Variants in ZNF385D observed in about 807,000 individuals in gnomAD.
ZNF385D encodes zinc finger protein 659.
A neutral mutation model predicts 35.8 loss-of-function variants in ZNF385D; 15 were observed. The ratio of observed to expected loss-of-function variants is 0.42; its 90% CI spans 0.28 to 0.64. The LOEUF (loss-of-function observed/expected upper bound fraction) is 0.64, where lower values mean the gene tolerates loss of function less well. Among genes scored for constraint, ZNF385D ranks in the 30% least tolerant of loss-of-function variants. The pLI, the probability that ZNF385D is intolerant of heterozygous loss-of-function variation, is 0.23. For missense variants in ZNF385D, 474 were observed against 494.6 expected (o/e 0.96, Z 0.39); for synonymous variants, 212 against 186.8 (o/e 1.13, Z -1.10).
At chr3:21,952,858 A>G (rs1386815113) in intron 3 of ZNF385D, among the ~76,000 whole-genome samples, 2 of 151,972 alleles carry the variant, frequency 1.3e-5, no homozygotes, top group African/African-American at 4.8e-5. Flanking sequence ...ACTAAACTCA[A>G]ATGAAATTTC....
At chr3:22,211,100 G>C (rs956020178) in intron 2 of ZNF385D, among the ~76,000 whole-genome samples, 3 of 151,832 alleles carry the variant, frequency 2.0e-5, no homozygotes, top group African/African-American at 7.2e-5. Context: ...CCCAGCTGAA[G>C]AACTGATTTA....
intron 2 of ZNF385D, among the ~76,000 whole-genome samples, chr3:21,647,875 T>C (rs910396758): frequency 2.6e-5 from 4 of 152,208 alleles, no homozygotes; most frequent in Non-Finnish European, 5.9e-5. Context: ...CTTTTTTTCA[T>C]ATGAATGTTA....
chr3:21,725,641 G>A (rs549965785), intron 1 of ZNF385D, among the ~76,000 whole-genome samples: 8 of 152,202 alleles, frequency 5.3e-5, no homozygotes, highest in Admixed American at 6.5e-5. Context: ...AGGAAAAGTC[G>A]AATCTCTGCA....
chr3:22,101,573 A>G (rs1701947305), intron 3 of ZNF385D, among the ~76,000 whole-genome samples: 1 of 152,066 alleles, frequency 6.6e-6, no homozygotes, highest in African/African-American at 2.4e-5. Flanking sequence ...TATAAGTTCT[A>G]TTTATACTGT....
intron 3 of ZNF385D, among the ~76,000 whole-genome samples, chr3:21,880,718 T>A (rs1698233554): frequency 6.6e-6 from 1 of 151,976 alleles, no homozygotes; most frequent in African/African-American, 2.4e-5. Context: ...GAAGAAGGCA[T>A]GTCAAAAGCT....
At chr3:22,115,348 C>T (rs1023348979) in intron 3 of ZNF385D, among the ~76,000 whole-genome samples, 6 of 151,972 alleles carry the variant, frequency 3.9e-5, no homozygotes, top group Admixed American at 3.9e-4. Context: ...GATTATAATA[C>T]AATAGGGAAT....
At chr3:21,973,702 A>G (rs537102650) in intron 3 of ZNF385D, among the ~76,000 whole-genome samples, 1 of 152,196 alleles carries the variant, frequency 6.6e-6, no homozygotes. Flanking sequence ...GAAAACCACT[A>G]GAACTGATAA....
intron 2 of ZNF385D, among the ~76,000 whole-genome samples, chr3:22,350,646 T>A (rs1695872902): frequency 2.0e-5 from 3 of 152,152 alleles, no homozygotes; most frequent in Non-Finnish European, 1.5e-5. Context: ...GATAAGCATA[T>A]ACTCAAGTAA....
At chr3:21,647,581 T>C (rs1559487003) in intron 2 of ZNF385D, among the ~76,000 whole-genome samples, 1 of 152,208 alleles carries the variant, frequency 6.6e-6, no homozygotes, top group South Asian at 2.1e-4. Context: ...GTAATATTGA[T>C]TGCACAGTTG....
chr3:21,736,942 C>G (rs1328061833), intron 1 of ZNF385D, among the ~76,000 whole-genome samples: 1 of 152,116 alleles, frequency 6.6e-6, no homozygotes, highest in Non-Finnish European at 1.5e-5. Flanking sequence ...AATCCCATTT[C>G]TTTTTTTCTT....
At chr3:21,707,459 A>G (rs2067947981) in intron 1 of ZNF385D, among the ~76,000 whole-genome samples, 2 of 152,202 alleles carry the variant, frequency 1.3e-5, no homozygotes, top group Admixed American at 1.3e-4. Flanking sequence ...ATGCAGATCA[A>G]ATTTTAGACA....
At chr3:22,101,116 A>C (rs1277696924) in intron 3 of ZNF385D, among the ~76,000 whole-genome samples, 1 of 152,028 alleles carries the variant, frequency 6.6e-6, no homozygotes, top group Non-Finnish European at 1.5e-5. Flanking sequence ...TAATGTTCAT[A>C]ATAAGGTTCT....
chr3:21,737,470 C>G (rs551385772), intron 1 of ZNF385D, among the ~76,000 whole-genome samples: 14 of 149,622 alleles, frequency 9.4e-5, no homozygotes, highest in Admixed American at 6.6e-4. Flanking sequence ...TATATATACA[C>G]ACACACACAC....
chr3:22,060,504 C>G (rs1576242475), intron 3 of ZNF385D, among the ~76,000 whole-genome samples: 1 of 152,252 alleles, frequency 6.6e-6, no homozygotes, highest in Non-Finnish European at 1.5e-5. Context: ...TAAACCATTA[C>G]TTTGTCAATA....
At chr3:22,369,854 A>G (rs1418050791) in intron 2 of ZNF385D, among the ~76,000 whole-genome samples, 1 of 152,206 alleles carries the variant, frequency 6.6e-6, no homozygotes, top group African/African-American at 2.4e-5. Flanking sequence ...TGAAGAACTC[A>G]TAAGTACTGA....
At chr3:21,860,664 CAA>C (rs1368065473) in intron 3 of ZNF385D, among the ~76,000 whole-genome samples, 1 of 152,122 alleles carries the variant, frequency 6.6e-6, no homozygotes, top group East Asian at 1.9e-4. Context: ...AAAATCCTTT[CAA>C]TAGTTTTCAA....
chr3:22,165,542 C>T (rs1706256733), intron 3 of ZNF385D, among the ~76,000 whole-genome samples: 1 of 152,134 alleles, frequency 6.6e-6, no homozygotes, highest in Non-Finnish European at 1.5e-5. Flanking sequence ...CTACTGATGG[C>T]AGTTGGCAGT....
At chr3:22,207,551 C>T (rs1056549682) in intron 2 of ZNF385D, among the ~76,000 whole-genome samples, 1 of 151,916 alleles carries the variant, frequency 6.6e-6, no homozygotes. Context: ...TTGAATAGTA[C>T]ACAGCAAGCA....
intron 1 of ZNF385D, among the ~76,000 whole-genome samples, chr3:21,737,409 CA>C: frequency 6.6e-6 from 1 of 151,704 alleles, no homozygotes; most frequent in Admixed American, 6.6e-5. Flanking sequence ...AAACAATATG[CA>C]AAACAAGGTA....
Sources: gnomAD v4.1 joint callset for allele counts (sites outside exome capture counted in the v4.1 genomes callset) on GRCh38, gnomAD v4.1.1 for gene constraint, MANE v1.5 for transcripts, NCBI Gene and HGNC (gene_info 2026-07-23, HGNC 2026-07-21) for gene names.